DOCK4: variants seen among roughly 807,000 people sequenced by gnomAD.
The protein encoded by DOCK4 is dedicator of cytokinesis 4.
A neutral mutation model predicts 268.1 loss-of-function variants in DOCK4; 97 were observed. The observed-to-expected ratio is 0.36, with a 90% confidence interval of 0.31 to 0.43. DOCK4 has a LOEUF of 0.43. Ranked by LOEUF, DOCK4 falls within the 20% of genes least tolerant of loss-of-function variation. DOCK4 has a pLI of 1.00. For synonymous variants in DOCK4, 954 were observed against 887.2 expected (o/e 1.08, Z -1.34); for missense variants, 2,145 against 2,455.7 (o/e 0.87, Z 2.67).
Position 111,767,131 on chromosome 7 carries a change from G to A in DOCK4, c.3829-13C>T, listed in dbSNP as rs762552905. ...CATTCTCCCAACACTGTGGACAAAT[G>A]AATGAGATCAATGGAACCATCTGAC... On this transcript the variant is annotated splice_polypyrimidine_tract_variant and intron_variant, in intron 37 of 52. Coordinates refer to ENST00000428084, the MANE Select transcript of DOCK4 (RefSeq NM_001363540.2). 1 of 1,605,728 alleles carries A rather than the reference G, an allele frequency of 6.2e-7. No individual in the cohort carries two copies. The highest frequency in any genetic ancestry group is 1.1e-5 in the South Asian group (1 of 90,896).
chr7:112,150,078 G>A (rs968627773), intron 1 of DOCK4, among the ~76,000 whole-genome samples: 1 of 152,174 alleles, frequency 6.6e-6, no homozygotes, highest in African/African-American at 2.4e-5. Context: ...TATAGGCTTA[G>A]AGAAGTAATG....
chr7:111,939,794 C>T (rs1481805756), intron 11 of DOCK4, among the ~76,000 whole-genome samples: 1 of 152,156 alleles, frequency 6.6e-6, no homozygotes, highest in African/African-American at 2.4e-5. Context: ...CTTTCACTTT[C>T]CAAGAACACA....
chr7:112,066,031 G>A (rs1421984121), intron 1 of DOCK4, among the ~76,000 whole-genome samples: 1 of 152,128 alleles, frequency 6.6e-6, no homozygotes, highest in African/African-American at 2.4e-5. Flanking sequence ...GCCCAAAAAT[G>A]TTAACTCTGG....
chr7:112,143,370 C>G lies in DOCK4; in HGVS notation c.37+62732G>C, dbSNP rs146296219. ...TCAAATAGCTGAGCTTATATACGGT[C>G]AAGTATGATTAACTAAAACCAAAGC... On this transcript the variant is annotated intron_variant, in intron 1 of 52. Transcript: ENST00000428084. 2.4e-3 allele frequency among the ~76,000 whole-genome samples: 372 copies of G among 152,146 alleles called. 2 individuals carry two copies. The highest frequency in any genetic ancestry group is 8.4e-3 in the African/African-American group (347 of 41,510).
chr7:111,752,416 G>A (rs1249320539), intron 42 of DOCK4, among the ~76,000 whole-genome samples: 1 of 152,092 alleles, frequency 6.6e-6, no homozygotes, highest in Non-Finnish European at 1.5e-5. Flanking sequence ...GGAGTGGTTA[G>A]ATTCTGGGTA....
chr7:112,103,647 C>T (rs1586829054), intron 1 of DOCK4, among the ~76,000 whole-genome samples: 1 of 152,128 alleles, frequency 6.6e-6, no homozygotes, highest in African/African-American at 2.4e-5. Context: ...TTTGGGAGGC[C>T]GAAGCAGACG....
At chr7:111,762,114 A>AAAT (rs536161402) in intron 39 of DOCK4, among the ~76,000 whole-genome samples, 3,731 of 152,270 alleles carry the variant, frequency 0.025, 117 homozygotes, top group African/African-American at 0.067. Context: ...AGCCATTTTA[A>AAAT]AATAAAATGA....
chr7:112,172,894 T>A (rs1363086365), intron 1 of DOCK4, among the ~76,000 whole-genome samples: 1 of 152,224 alleles, frequency 6.6e-6, no homozygotes, highest in African/African-American at 2.4e-5. Flanking sequence ...GCTATATAGA[T>A]GCATAGGTAA....
intron 1 of DOCK4, among the ~76,000 whole-genome samples, chr7:112,194,608 T>G (rs945327491): frequency 6.6e-6 from 1 of 152,162 alleles, no homozygotes; most frequent in African/African-American, 2.4e-5. Flanking sequence ...CCTCTAATCC[T>G]GAAAGGAAAC....
rs774237185 is a variant in DOCK4 at position 111,758,742 on chromosome 7, A to G, written c.4211T>C (p.Leu1404Pro). ...GTTGTCCGGAACACCCTCTCTCTGCAGGACCTCCTGGCTCTCTGGAATGGG... is the reference window on the plus strand; with the variant it reads ...GTTGTCCGGAACACCCTCTCTCTGCGGGACCTCCTGGCTCTCTGGAATGGG... ...VTPIPESQEVLQREGVPDNIK... is the reference protein window; with the variant it reads ...VTPIPESQEVPQREGVPDNIK... Residue 1404 changes from leucine to proline, a missense_variant, in exon 41 of 53, where the codon CTG becomes CCG. This residue lies in a region of DOCK4 where 1,598 missense variants were observed against 1,986.7 expected (regional missense o/e 0.80). Transcript: ENST00000428084. The G allele has an allele frequency of 6.2e-7, 1 of 1,614,010 alleles. No homozygotes were observed. Among genetic ancestry groups the G allele is most frequent in the Non-Finnish European group, 8.5e-7 (1 of 1,179,892 alleles).
intron 1 of DOCK4, among the ~76,000 whole-genome samples, chr7:112,141,194 T>C (rs1658510288): frequency 6.6e-6 from 1 of 152,152 alleles, no homozygotes; most frequent in African/African-American, 2.4e-5. Flanking sequence ...GCTTTTTATA[T>C]TAAACCCCTC....
rs1309701731 is a variant in DOCK4, at chr7:111,726,822, C to T, written c.*1452G>A. On this transcript the variant is annotated 3_prime_UTR_variant, in exon 53 of 53. Transcript: ENST00000428084. ...CTTATTAAAATTAACCAGTTATATA[C>T]AAAAATACTTGAACATTTATTATAG... 1 of 152,378 alleles carries T rather than the reference C, an allele frequency of 6.6e-6. No individual in the cohort carries two copies. Among genetic ancestry groups the T allele is most frequent in the Non-Finnish European group, 1.5e-5 (1 of 67,976 alleles). The allele number at this position is 152,378 out of a possible 1,614,324, so 9.4% of individuals were successfully genotyped here.
At chr7:112,014,871 C>T (rs560859208) in intron 1 of DOCK4, among the ~76,000 whole-genome samples, 3 of 152,102 alleles carry the variant, frequency 2.0e-5, no homozygotes, top group South Asian at 4.2e-4. Flanking sequence ...CACCACTGCA[C>T]TCCGGCCTGA....
chr7:111,952,787 G>T (rs953038139), intron 8 of DOCK4, among the ~76,000 whole-genome samples: 2 of 152,000 alleles, frequency 1.3e-5, no homozygotes, highest in African/African-American at 4.8e-5. Flanking sequence ...TAACAACAGA[G>T]AACACATTTA....
chr7:111,924,398 T>A (rs1256456660), intron 12 of DOCK4, among the ~76,000 whole-genome samples: 1 of 152,204 alleles, frequency 6.6e-6, no homozygotes, highest in Non-Finnish European at 1.5e-5. Flanking sequence ...TACCCTCTCC[T>A]GGTGAGATAC....
chr7:111,848,433 C>T (rs183845334), intron 23 of DOCK4, among the ~76,000 whole-genome samples: 166 of 152,308 alleles, frequency 1.1e-3, no homozygotes, highest in African/African-American at 3.9e-3. Context: ...AACAACAGGT[C>T]TTGTATTTTC....
intron 1 of DOCK4, among the ~76,000 whole-genome samples, chr7:112,100,579 C>T (rs1331426260): frequency 1.3e-5 from 2 of 152,220 alleles, no homozygotes; most frequent in African/African-American, 4.8e-5. Context: ...TCCTGACTTT[C>T]CACAAAACAA....
In DOCK4 at chr7:111,765,189, C is replaced by T. The variant is rs1363903386; in HGVS notation, c.3949G>A (p.Asp1317Asn). 6.4e-7 allele frequency: 1 copy of T among 1,554,610 alleles called. No individual in the cohort carries two copies. Among genetic ancestry groups the T allele is most frequent in the South Asian group, 1.2e-5 (1 of 80,058 alleles). The change falls in exon 39 of 53, where the codon GAC becomes AAC. Residue 1317 changes from aspartate to asparagine, a missense_variant. Asp to Asn is a conservative substitution (Grantham distance 23, BLOSUM62 1). Around this residue, in one of 2 missense-constraint regions of DOCK4, gnomAD observed 1,598 missense variants for 1,986.7 expected, o/e 0.80. Coordinates refer to ENST00000428084, the MANE Select transcript of DOCK4 (RefSeq NM_001363540.2). ...MEASLYDKIM[D>N]QQRLEPEFFR... ...AACTCTGGTTCAAGACGTTGCTGGT[C>T]CATAATTTTGTCATACAAAGAGGCT...
intron 1 of DOCK4, among the ~76,000 whole-genome samples, chr7:112,006,979 C>T (rs996750779): frequency 2.0e-5 from 3 of 152,174 alleles, no homozygotes; most frequent in Admixed American, 6.5e-5. Context: ...AGTGCTTTTA[C>T]ATCTATTATT....
Sources: allele counts gnomAD v4.1 joint callset (sites outside exome capture counted in the v4.1 genomes callset), GRCh38; gene constraint gnomAD v4.1.1; regional missense constraint gnomAD v4.1.1; transcripts MANE v1.5; gene names NCBI Gene and HGNC (gene_info 2026-07-23, HGNC 2026-07-21).